The following DMD variants were observed in gnomAD, a reference collection of about 807,000 sequenced individuals.
DMD encodes mutant dystrophin.
In DMD, 63 loss-of-function variants were observed where a neutral mutation model predicts 330.1. That is an observed-to-expected ratio of 0.19 (90% CI 0.16 to 0.24). DMD has a LOEUF of 0.24. DMD is among the 10% of genes least tolerant of loss of function. The probability of loss-of-function intolerance (pLI) is 1.00; values close to 1 mark genes in which losing one functional copy is unlikely to be tolerated. For missense variants in DMD, 3,344 were observed against 2,684.1 expected (o/e 1.25, Z -5.43); for synonymous variants, 1,223 against 959.8 (o/e 1.27, Z -5.07).
chrX:32,544,280 ATTT>A (rs758199916), intron 17 of DMD, among the ~76,000 whole-genome samples: 1 of 111,168 alleles, frequency 9.0e-6, no homozygotes, highest in Admixed American at 9.6e-5. Flanking sequence ...CTCTAGATTT[ATTT>A]TTTTTCTTAG....
intron 60 of DMD, among the ~76,000 whole-genome samples, chrX:31,371,403 T>A (rs572129100): frequency 1.9e-3 from 209 of 111,767 alleles, no homozygotes; most frequent in African/African-American, 6.4e-3. Flanking sequence ...TATTAAAAAT[T>A]CAGAAGGCTT....
At chrX:32,537,792 A>G (rs1323742289) in intron 17 of DMD, among the ~76,000 whole-genome samples, 1 of 112,356 alleles carries the variant, frequency 8.9e-6, no homozygotes, top group Non-Finnish European at 1.9e-5. Context: ...CACTCAAAAA[A>G]CGAACAAAAT....
intron 45 of DMD, among the ~76,000 whole-genome samples, chrX:31,961,740 GTT>G (rs59279553): frequency 0.033 from 2,524 of 75,591 alleles, 107 homozygotes; most frequent in African/African-American, 0.13. Flanking sequence ...AAAGGAAGCG[GTT>G]TTTTTTTTTT....
intron 2 of DMD, among the ~76,000 whole-genome samples, chrX:32,940,724 A>T (rs996724874): frequency 3.6e-5 from 4 of 111,791 alleles, no homozygotes; most frequent in African/African-American, 1.3e-4. Flanking sequence ...AAGAAACATC[A>T]TTCTGGACAT....
At chrX:32,190,032 C>A (rs2096965995) in intron 44 of DMD, among the ~76,000 whole-genome samples, 1 of 110,505 alleles carries the variant, frequency 9.0e-6, no homozygotes, top group South Asian at 3.9e-4. Context: ...CCCCCTAGAC[C>A]AGTGATTTTC....
At chrX:31,199,548 T>A (rs1460236072) in intron 67 of DMD, among the ~76,000 whole-genome samples, 2 of 112,257 alleles carry the variant, frequency 1.8e-5, no homozygotes. Context: ...ATAGGTGATT[T>A]CCTTTTCTAA....
At chrX:33,036,880 C>G (rs2094213573) in intron 1 of DMD, among the ~76,000 whole-genome samples, 2 of 110,129 alleles carry the variant, frequency 1.8e-5, no homozygotes, top group South Asian at 7.7e-4. Context: ...AGACTTGGGT[C>G]TTAGAATCAG....
intron 55 of DMD, among the ~76,000 whole-genome samples, chrX:31,568,592 GATTA>G (rs1230728992): frequency 9.0e-6 from 1 of 111,317 alleles, no homozygotes; most frequent in Non-Finnish European, 1.9e-5. Flanking sequence ...GCTTTCTTTT[GATTA>G]ATTGTTGCAT....
intron 7 of DMD, among the ~76,000 whole-genome samples, chrX:32,725,288 CAT>C (rs373423536): frequency 2.8e-4 from 31 of 110,852 alleles, no homozygotes; most frequent in African/African-American, 9.5e-4. Flanking sequence ...TATCATGGAT[CAT>C]AGTCACTTAT....
At chrX:31,178,885 T>C (rs2040844798) in intron 69 of DMD, 80 bp from the exon 70 acceptor site, 2 of 1,094,765 alleles carry the variant, frequency 1.8e-6, no homozygotes, top group Admixed American at 2.2e-5. Context: ...TTCTGCCCCA[T>C]GACACTTGTT....
At chrX:32,663,890 G>A (rs1333299156) in intron 9 of DMD, among the ~76,000 whole-genome samples, 3 of 111,504 alleles carry the variant, frequency 2.7e-5, no homozygotes, top group Non-Finnish European at 5.6e-5. Context: ...CTATGACTGC[G>A]GTGGAATGAG....
Position 32,345,185 on chromosome X carries a change from A to G in DMD, c.5586+758T>C, listed in dbSNP as rs146842543. ...AATTAAAAGTATTAGAAAATCAGCC[A>G]TGCATGCAAATAGTGATTATTGCAA... is the stretch of plus-strand genomic sequence containing the variant. On this transcript the variant is annotated intron_variant, in intron 39 of 78. Coordinates refer to ENST00000357033, the MANE Select transcript of DMD (RefSeq NM_004006.3). 3.4e-3 allele frequency among the ~76,000 whole-genome samples: 385 copies of G among 111,698 alleles called. 12 individuals carry two copies. The East Asian group carries it at 0.088, about 26-fold the overall frequency.
At chrX:31,673,219 G>A (rs894701644) in intron 53 of DMD, among the ~76,000 whole-genome samples, 7 of 112,125 alleles carry the variant, frequency 6.2e-5, no homozygotes, top group African/African-American at 1.6e-4. Context: ...AGAAAGTGAC[G>A]GGAAAGGCCA....
intron 2 of DMD, among the ~76,000 whole-genome samples, chrX:32,871,248 G>C (rs150026373): frequency 5.8e-4 from 64 of 110,258 alleles, no homozygotes; most frequent in African/African-American, 1.8e-3. Flanking sequence ...TAATTTGAAT[G>C]GTTGTCTTTA....
intron 47 of DMD, among the ~76,000 whole-genome samples, chrX:31,903,710 T>C (rs1026483339): frequency 1.8e-5 from 2 of 112,360 alleles, no homozygotes; most frequent in African/African-American, 3.2e-5. Context: ...GAATCATACA[T>C]AGCTCTACCT....
intron 53 of DMD, among the ~76,000 whole-genome samples, chrX:31,669,214 A>G (rs2081603341): frequency 8.9e-6 from 1 of 112,201 alleles, no homozygotes; most frequent in Non-Finnish European, 1.9e-5. Flanking sequence ...GTACTAATAT[A>G]CATTCCCACC....
intron 47 of DMD, among the ~76,000 whole-genome samples, chrX:31,875,998 C>T (rs991753575): frequency 1.8e-5 from 2 of 112,321 alleles, no homozygotes; most frequent in Non-Finnish European, 3.8e-5. Context: ...GTAAGTTATG[C>T]GTTTTTGTGA....
intron 2 of DMD, among the ~76,000 whole-genome samples, chrX:32,880,428 C>G (rs1307667202): frequency 9.0e-6 from 1 of 111,278 alleles, no homozygotes; most frequent in Non-Finnish European, 1.9e-5. Context: ...CTTTAAGTTT[C>G]TAGTCTATAG....
intron 2 of DMD, among the ~76,000 whole-genome samples, chrX:33,009,104 A>G (rs1438402777): frequency 9.6e-5 from 1 of 10,439 alleles, no homozygotes; most frequent in East Asian, 6.5e-3. Context: ...GTATATATGT[A>G]TATATATGTG....
Sources: gnomAD v4.1 joint callset for allele counts (sites outside exome capture counted in the v4.1 genomes callset) on GRCh38, gnomAD v4.1.1 for gene constraint, MANE v1.5 for transcripts, NCBI Gene and HGNC (gene_info 2026-07-23, HGNC 2026-07-21) for gene names.